RBAK: variants seen among roughly 807,000 people sequenced by gnomAD.
RBAK encodes RB-associated KRAB zinc finger protein.
In RBAK, 39 loss-of-function variants were observed where a neutral mutation model predicts 65.8. The observed-to-expected ratio is 0.59, with a 90% CI of 0.46 to 0.77. RBAK has a LOEUF of 0.77. RBAK is among the 30% of genes least tolerant of loss of function. The probability of loss-of-function intolerance (pLI) is 0.00; values close to 1 mark genes in which losing one functional copy is unlikely to be tolerated. For missense variants in RBAK, 884 were observed against 855.1 expected, an observed-to-expected ratio of 1.03 and a Z score of -0.42; for synonymous variants, 343 against 289.7, an observed-to-expected ratio of 1.18 and a Z score of -1.87.
At chr7:5,046,904 CA>C (rs1231461443) in intron 1 of RBAK, among the ~76,000 whole-genome samples, 1 of 152,152 alleles carries the variant, frequency 6.6e-6, no homozygotes, top group African/African-American at 2.4e-5. Flanking sequence ...TAGTAGAACT[CA>C]GGAGTCTTAT....
intron 4 of RBAK, among the ~76,000 whole-genome samples, chr7:5,058,375 G>C (rs1253365686): frequency 6.6e-6 from 1 of 152,172 alleles, no homozygotes; most frequent in Non-Finnish European, 1.5e-5. Context: ...CGGCCTTACA[G>C]AATTGTTTTG....
At chr7:5,052,527 TG>T (rs1244538769) in intron 2 of RBAK, among the ~76,000 whole-genome samples, 1 of 152,242 alleles carries the variant, frequency 6.6e-6, no homozygotes, top group African/African-American at 2.4e-5. Flanking sequence ...CACACTGTTT[TG>T]TTATTTTAGT....
chr7:5,057,435 GCTTT>G lies in RBAK; in HGVS notation c.142+17_142+20del. On this transcript the variant is annotated intron_variant, in intron 3 of 4. Coordinates refer to ENST00000396912, the MANE Select transcript of RBAK (RefSeq NM_021163.4). ...TAGTTTCTGTGGGTGAGAATAGCTT[GCTTT>G]CTGAATGCTCTCAGTTGAATGGGGT... 6.2e-7 allele frequency: 1 copy of G among 1,614,106 alleles called. No homozygotes were observed. Among genetic ancestry groups the G allele is most frequent in the Non-Finnish European group, 8.5e-7 (1 of 1,180,002 alleles).
intron 2 of RBAK, among the ~76,000 whole-genome samples, chr7:5,056,441 G>T (rs1403422802): frequency 6.6e-6 from 1 of 151,826 alleles, no homozygotes; most frequent in Admixed American, 6.6e-5. Flanking sequence ...AATTGAAGCT[G>T]CTTCCCGTTT....
chr7:5,050,105 A>G (rs978272412), intron 2 of RBAK, among the ~76,000 whole-genome samples: 5 of 152,188 alleles, frequency 3.3e-5, no homozygotes, highest in African/African-American at 9.7e-5. Context: ...CCAAAGTGCT[A>G]GGATTACAGG....
At position 5,067,666 on chromosome 7, in the gene RBAK, C is replaced by T. The variant is rs1471107740; in HGVS notation, c.*2065C>T. The T allele has an allele frequency of 6.6e-6, 1 of 152,098 alleles. No homozygotes were observed. The highest frequency in any genetic ancestry group is 2.4e-5 in the African/African-American group (1 of 41,420). 9.4% of individuals were successfully genotyped at this position (152,098 alleles called of 1,614,324 possible). ...GAATGGACAGAGAGGATTGAAATTT[C>T]TAAATATCAAGACCTGTTATAAAGC... On this transcript the variant is annotated 3_prime_UTR_variant, in exon 5 of 5. Coordinates refer to ENST00000396912, the MANE Select transcript of RBAK (RefSeq NM_021163.4).
chr7:5,052,874 C>G (rs550089149), intron 2 of RBAK, among the ~76,000 whole-genome samples: 1 of 152,214 alleles, frequency 6.6e-6, no homozygotes, highest in East Asian at 1.9e-4. Flanking sequence ...ATTCTCCTGC[C>G]TCAGCCTCCC....
chr7:5,052,966 G>T (rs1788149950), intron 2 of RBAK, among the ~76,000 whole-genome samples: 1 of 151,998 alleles, frequency 6.6e-6, no homozygotes, highest in Non-Finnish European at 1.5e-5. Flanking sequence ...CACCATGTTG[G>T]CCAGGCTGGT....
chr7:5,047,355 C>T (rs1053308623), intron 1 of RBAK, among the ~76,000 whole-genome samples: 17 of 152,132 alleles, frequency 1.1e-4, no homozygotes, highest in African/African-American at 3.9e-4. Flanking sequence ...GCTGTGAATG[C>T]ACCACTGCAC....
At chr7:5,051,212 T>C (rs1788108173) in intron 2 of RBAK, among the ~76,000 whole-genome samples, 1 of 152,198 alleles carries the variant, frequency 6.6e-6, no homozygotes, top group African/African-American at 2.4e-5. Context: ...TTTGAAATCA[T>C]TTCAAATTTT....
chr7:5,051,087 C>G (rs901883911), intron 2 of RBAK, among the ~76,000 whole-genome samples: 1 of 152,072 alleles, frequency 6.6e-6, no homozygotes, highest in Non-Finnish European at 1.5e-5. Flanking sequence ...TTTGGCCAGA[C>G]AAAATCCCTT....
chr7:5,048,984 C>G lies in RBAK; in HGVS notation c.15+893C>G, dbSNP rs1433484304. The stretch of plus-strand genomic sequence containing the variant: ...AATCACCTCCCACCAGGCCCCACCT[C>G]CAACATTGGGGATTACAATTGAACA... On this transcript the variant is annotated intron_variant, in intron 2 of 4. Coordinates refer to ENST00000396912, the MANE Select transcript of RBAK (RefSeq NM_021163.4). The surrounding 1 kb of genome is among the most constrained non-coding windows in gnomAD (Gnocchi z 4.4). Among the ~76,000 whole-genome samples, 1 of 152,322 alleles carries G rather than the reference C, an allele frequency of 6.6e-6. No individual in the cohort carries two copies. Among genetic ancestry groups the G allele is most frequent in the East Asian group, 1.9e-4 (1 of 5,188 alleles).
chr7:5,063,808 T>A lies in RBAK; in HGVS notation c.352T>A (p.Phe118Ile). 6.2e-7 allele frequency: 1 copy of A among 1,613,944 alleles called. No individual in the cohort carries two copies. ...CCTGACTGAAGAGAAAGAGAATACA[T>A]TTAGTCAAATTTACATGGAAACAAG... ...KTLTEEKENTFSQIYMETSLV... is the reference protein window; with the variant it reads ...KTLTEEKENTISQIYMETSLV... The change falls in exon 5 of 5, where the codon TTT (phenylalanine) becomes ATT (isoleucine). Residue 118 changes from phenylalanine (F) to isoleucine (I), a missense_variant. By Grantham distance (21) the Phe-to-Ile change is conservative (BLOSUM62 0). Transcript: ENST00000396912.
chr7:5,051,981 A>G (rs764903376), intron 2 of RBAK, among the ~76,000 whole-genome samples: 1 of 152,068 alleles, frequency 6.6e-6, no homozygotes, highest in Non-Finnish European at 1.5e-5. Context: ...TGTTGGGGAG[A>G]GGGGATTGAA....
Position 5,069,169 on chromosome 7 carries a change from A to G in RBAK, c.*3568A>G, listed in dbSNP as rs1041984393. The G allele has an allele frequency of 6.6e-6, 1 of 152,198 alleles. No homozygotes were observed. The highest frequency in any genetic ancestry group is 1.5e-5 in the Non-Finnish European group (1 of 68,040). The allele number at this position is 152,198 out of a possible 1,614,324, so 9.4% of individuals were successfully genotyped here. A position where few individuals can be genotyped will look rare whatever the true frequency, so the allele number is the denominator to read the frequency against. On this transcript the variant is annotated 3_prime_UTR_variant, in exon 5 of 5. Transcript: ENST00000396912. ...TCCATAAAAGTTTTCTAAAATCACA[A>G]ATGGCTAACATTTGTGTCGCTCATC...
At chr7:5,047,821 A>C (rs115928736) in intron 1 of RBAK, among the ~76,000 whole-genome samples, 5,897 of 151,448 alleles carry the variant, frequency 0.039, 407 homozygotes, top group African/African-American at 0.14. Context: ...TTGGCCAAGG[A>C]AGGCGGATCA....
rs780573417 is a variant in RBAK, at chr7:5,065,313, A to G, written c.1857A>G (p.Gly619=). ...YLTIHHRIHS[G]EKPYECSKCG... Reference sequence around the variant, plus strand: ...CTATACATCATCGAATTCATTCAGGAGAGAAACCCTATGAATGTAGTAAAT... The same window carrying G: ...CTATACATCATCGAATTCATTCAGGGGAGAAACCCTATGAATGTAGTAAAT... The change falls in exon 5 of 5, where the codon GGA becomes GGG. Residue 619 remains glycine, a synonymous_variant. Coordinates refer to ENST00000396912, the MANE Select transcript of RBAK (RefSeq NM_021163.4). This position sits in a 1 kb window ranked among gnomAD's most constrained non-coding sequence, Gnocchi z 5.3. The G allele has an allele frequency of 7.4e-6, 12 of 1,613,900 alleles. No homozygotes were observed. The highest frequency in any genetic ancestry group is 8.5e-6 in the Non-Finnish European group (10 of 1,179,936).
At chr7:5,059,137 C>T (rs1285364238) in intron 4 of RBAK, among the ~76,000 whole-genome samples, 1 of 152,206 alleles carries the variant, frequency 6.6e-6, no homozygotes, top group Non-Finnish European at 1.5e-5. Flanking sequence ...AAATGCCTGG[C>T]AGAGCGTCAG....
Position 5,064,826 on chromosome 7 carries a change from A to G in RBAK, c.1370A>G (p.Tyr457Cys). The change falls in exon 5 of 5, where the codon TAT becomes TGT. Residue 457 changes from tyrosine to cysteine, a missense_variant. Transcript: ENST00000396912. The surrounding 1 kb of genome is among the most constrained non-coding windows in gnomAD (Gnocchi z 6.3). ...AGAAGTCATTTAGAAGAGAAACCCT[A>G]TGAATGTAATGAATGTGGCAAAACC... is the stretch of plus-strand genomic sequence containing the variant. ...HYRSHLEEKP[Y>C]ECNECGKTFN... 6.2e-7 allele frequency: 1 copy of G among 1,614,126 alleles called. No individual in the cohort carries two copies. The highest frequency in any genetic ancestry group is 8.5e-7 in the Non-Finnish European group (1 of 1,179,946).
Sources: gnomAD v4.1 joint callset for allele counts (sites outside exome capture counted in the v4.1 genomes callset) on GRCh38, gnomAD v4.1.1 for gene constraint, Gnocchi (gnomAD v3.1) non-coding constraint, MANE v1.5 for transcripts, NCBI Gene and HGNC (gene_info 2026-07-23, HGNC 2026-07-21) for gene names.